The following FRMPD4 variants were observed in gnomAD, a reference collection of about 807,000 sequenced individuals.
The protein encoded by FRMPD4 is FERM and PDZ domain-containing protein 4.
In FRMPD4, 22 loss-of-function variants were observed where a neutral mutation model predicts 94.1. The observed-to-expected ratio is 0.23, with a 90% CI of 0.17 to 0.33. The LOEUF is 0.33. Among genes scored for constraint, FRMPD4 ranks in the 10% least tolerant of loss-of-function variants. The pLI is 1.00. For synonymous variants in FRMPD4, 631 were observed against 548.6 expected, an observed-to-expected ratio of 1.15 and a Z score of -2.10; for missense variants, 1,111 against 1,339.9, an observed-to-expected ratio of 0.83 and a Z score of 2.67.
At chrX:12,655,171 G>A (rs1480064906) in intron 4 of FRMPD4, among the ~76,000 whole-genome samples, 1 of 111,960 alleles carries the variant, frequency 8.9e-6, no homozygotes, top group Admixed American at 9.4e-5. Flanking sequence ...AATACATTTG[G>A]GGAAATATTG....
At chrX:11,907,880 T>G (rs2053976374) in intron 3 of FRMPD4, among the ~76,000 whole-genome samples, 1 of 111,245 alleles carries the variant, frequency 9.0e-6, no homozygotes, top group African/African-American at 3.3e-5. Context: ...TGGAATATTT[T>G]CCACCTCTTC....
chrX:12,463,542 A>C (rs1038592322), intron 1 of FRMPD4, among the ~76,000 whole-genome samples: 1 of 111,303 alleles, frequency 9.0e-6, no homozygotes, highest in Non-Finnish European at 1.9e-5. Flanking sequence ...GCTTCATCTT[A>C]ATTATCATTT....
chrX:12,053,944 C>G (rs965755146), intron 3 of FRMPD4, among the ~76,000 whole-genome samples: 3 of 111,817 alleles, frequency 2.7e-5, no homozygotes, highest in African/African-American at 9.8e-5. Flanking sequence ...AGTGCATGAT[C>G]TAATGGTAAT....
At position 12,126,934 on chromosome X, in the gene FRMPD4, C is replaced by T. The variant is rs57225308; in HGVS notation, c.95+248916C>T. On this transcript the variant is annotated intron_variant, in intron 3 of 18. Transcript: ENST00000640291. ...TCCACCCATTGCTCTATTGATAAAG[C>T]TCAATTTCCTTTTGTAACTGCCCCT... Among the ~76,000 whole-genome samples, 47 of 111,433 alleles carry T rather than the reference C, an allele frequency of 4.2e-4. 2 individuals carry two copies. The East Asian group carries it at 0.013, about 31-fold the overall frequency.
At chrX:12,348,014 T>C (rs1186251374) in intron 1 of FRMPD4, among the ~76,000 whole-genome samples, 1 of 112,156 alleles carries the variant, frequency 8.9e-6, no homozygotes, top group East Asian at 2.8e-4. Context: ...GACTTGTTTT[T>C]TCCTGCTGAG....
chrX:12,039,181 AT>A (rs1475252669), intron 3 of FRMPD4, among the ~76,000 whole-genome samples: 2 of 106,208 alleles, frequency 1.9e-5, no homozygotes, highest in Non-Finnish European at 3.9e-5. Context: ...TATTTTTATT[AT>A]TTTTTATTTT....
intron 3 of FRMPD4, among the ~76,000 whole-genome samples, chrX:11,991,675 C>T (rs1253916690): frequency 1.8e-5 from 2 of 111,979 alleles, no homozygotes; most frequent in Non-Finnish European, 3.8e-5. Context: ...TTCTTCTTTG[C>T]TTTGAGCAGT....
At chrX:12,190,795 A>G (rs892793708) in intron 1 of FRMPD4, among the ~76,000 whole-genome samples, 1 of 111,001 alleles carries the variant, frequency 9.0e-6, no homozygotes, top group Non-Finnish European at 1.9e-5. Flanking sequence ...AAAGTTATAA[A>G]ACTCTTAGAA....
intron 3 of FRMPD4, among the ~76,000 whole-genome samples, chrX:12,004,274 G>A (rs2054539275): frequency 2.7e-5 from 3 of 112,229 alleles, no homozygotes; most frequent in African/African-American, 9.7e-5. Flanking sequence ...CCAAACCAAA[G>A]CCATGGAATT....
intron 4 of FRMPD4, among the ~76,000 whole-genome samples, chrX:12,658,745 A>C (rs1233411563): frequency 9.0e-6 from 1 of 111,053 alleles, no homozygotes; most frequent in Non-Finnish European, 1.9e-5. Context: ...ATTTACAAGA[A>C]GCGCTCTTAA....
chrX:12,708,081 A>G (rs1346168491), intron 13 of FRMPD4, among the ~76,000 whole-genome samples: 1 of 111,801 alleles, frequency 8.9e-6, no homozygotes, highest in Non-Finnish European at 1.9e-5. Flanking sequence ...ATTCTTTTGG[A>G]AAAGCTTGAT....
intron 1 of FRMPD4, among the ~76,000 whole-genome samples, chrX:12,207,280 C>T (rs1472297294): frequency 1.8e-5 from 2 of 111,192 alleles, no homozygotes; most frequent in Non-Finnish European, 3.8e-5. Context: ...TATTTTAAAA[C>T]CTATTAAGCC....
In FRMPD4 at chrX:11,884,934, C is replaced by T. The variant is rs190617682; in HGVS notation, c.95+6916C>T. Among the ~76,000 whole-genome samples, 9 of 111,312 alleles carry T rather than the reference C, an allele frequency of 8.1e-5. No homozygotes were observed. The South Asian group carries it at 1.1e-3, about 14-fold the overall frequency. On this transcript the variant is annotated intron_variant, in intron 3 of 18. Transcript: ENST00000640291. ...TGGTGGGCCCTTTTGACAAGGATCC[C>T]GACTCACCATTGCTGAATCATAATG...
chrX:11,908,104 G>T (rs1046367469), intron 3 of FRMPD4, among the ~76,000 whole-genome samples: 1 of 111,625 alleles, frequency 9.0e-6, no homozygotes, highest in Non-Finnish European at 1.9e-5. Context: ...CCAATAATTA[G>T]ACAGAAACTG....
chrX:12,415,874 G>A (rs1370080253), intron 1 of FRMPD4, among the ~76,000 whole-genome samples: 1 of 112,135 alleles, frequency 8.9e-6, no homozygotes, highest in African/African-American at 3.2e-5. Flanking sequence ...ATTATTTCAA[G>A]GCCATGGTAT....
chrX:11,879,958 T>G (rs1013152443), intron 3 of FRMPD4, among the ~76,000 whole-genome samples: 3 of 112,683 alleles, frequency 2.7e-5, no homozygotes, highest in African/African-American at 9.7e-5. Flanking sequence ...TCCATCTGTA[T>G]GCCTCATGGC....
chrX:12,560,598 T>G (rs949468123), intron 2 of FRMPD4, among the ~76,000 whole-genome samples: 10 of 110,493 alleles, frequency 9.1e-5, no homozygotes, highest in African/African-American at 3.3e-4. Flanking sequence ...AAATGTTTAT[T>G]TCCAACAGTC....
chrX:11,857,585 C>T (rs1406745189), intron 1 of FRMPD4, among the ~76,000 whole-genome samples: 2 of 112,726 alleles, frequency 1.8e-5, no homozygotes, highest in African/African-American at 6.4e-5. Context: ...AAATGGAAAA[C>T]TGAAAGCTAT....
intron 2 of FRMPD4, among the ~76,000 whole-genome samples, chrX:12,557,437 C>G (rs1008081011): frequency 2.7e-5 from 3 of 112,328 alleles, no homozygotes; most frequent in Non-Finnish European, 5.6e-5. Context: ...AGATTTTTCT[C>G]TACAGATGCA....
Sources: allele counts gnomAD v4.1 joint callset (sites outside exome capture counted in the v4.1 genomes callset), GRCh38; gene constraint gnomAD v4.1.1; transcripts MANE v1.5; gene names NCBI Gene and HGNC (gene_info 2026-07-23, HGNC 2026-07-21).